The following IQSEC1 variants were observed in gnomAD, a reference collection of about 807,000 sequenced individuals.
IQSEC1 encodes IQ motif and SEC7 domain-containing protein 1.
Under a neutral mutation model 91.0 loss-of-function variants are expected in IQSEC1, and 31 were observed. The ratio of observed to expected loss-of-function variants is 0.34; its 90% confidence interval spans 0.26 to 0.46. The LOEUF (loss-of-function observed/expected upper bound fraction) is 0.46. IQSEC1 is among the 20% of genes least tolerant of loss of function. IQSEC1 has a pLI of 1.00. For missense variants in IQSEC1, 1,388 were observed against 1,575.6 expected, an observed-to-expected ratio of 0.88 and a Z score of 2.02; for synonymous variants, 699 against 662.6, an observed-to-expected ratio of 1.05 and a Z score of -0.84.
At chr3:13,220,859 TGG>T (rs1694645890) in intron 1 of IQSEC1, among the ~76,000 whole-genome samples, 1 of 152,178 alleles carries the variant, frequency 6.6e-6, no homozygotes, top group Non-Finnish European at 1.5e-5. Context: ...TAGATCTGCG[TGG>T]ATGGGTTTTG....
intron 2 of IQSEC1, among the ~76,000 whole-genome samples, chr3:13,095,894 C>A (rs1292068064): frequency 6.6e-6 from 1 of 152,220 alleles, no homozygotes; most frequent in African/African-American, 2.4e-5. Flanking sequence ...GCGAGATTCA[C>A]GTGAGACCTC....
At chr3:13,051,440 C>A (rs1286854492) in intron 1 of IQSEC1, among the ~76,000 whole-genome samples, 6 of 152,132 alleles carry the variant, frequency 3.9e-5, no homozygotes, top group Admixed American at 6.5e-5. Flanking sequence ...AGGAGAGCAG[C>A]CCCAGGGAAT....
chr3:12,939,325 T>C (rs377224312), intron 2 of IQSEC1, among the ~76,000 whole-genome samples: 6 of 152,268 alleles, frequency 3.9e-5, no homozygotes, highest in South Asian at 2.1e-4. Context: ...AGAATGCCCT[T>C]CAGCAAAGCA....
In IQSEC1 at chr3:12,898,538, G is replaced by A. The variant is rs1693875735; in HGVS notation, c.*2445C>T. The A allele has an allele frequency of 6.6e-6, 1 of 152,186 alleles. No homozygotes were observed. Among genetic ancestry groups the A allele is most frequent in the South Asian group, 2.1e-4 (1 of 4,814 alleles). The allele number at this position is 152,186 out of a possible 1,614,324, so 9.4% of individuals were successfully genotyped here. ...AGCTTGCAGGATGGCGATGGAGAGG[G>A]AGAGTTTCCTGAAAGCCCCTCCTGG... On this transcript the variant is annotated 3_prime_UTR_variant, in exon 14 of 14. Coordinates refer to ENST00000613206, the MANE Select transcript of IQSEC1 (RefSeq NM_001134382.3).
At chr3:13,247,904 C>A (rs1489017772) in intron 1 of IQSEC1, among the ~76,000 whole-genome samples, 2 of 152,186 alleles carry the variant, frequency 1.3e-5, no homozygotes, top group African/African-American at 2.4e-5. Context: ...ACTTACTGGG[C>A]CTGTCTTCCT....
intron 1 of IQSEC1, among the ~76,000 whole-genome samples, chr3:13,009,469 C>T (rs1223573189): frequency 6.6e-6 from 1 of 151,930 alleles, no homozygotes; most frequent in East Asian, 1.9e-4. Flanking sequence ...CGCTCTCCGC[C>T]CTGGCCCTGA....
At chr3:12,993,775 GCCCC>G (rs1399781549) in intron 1 of IQSEC1, among the ~76,000 whole-genome samples, 7 of 152,216 alleles carry the variant, frequency 4.6e-5, no homozygotes, top group African/African-American at 1.7e-4. Flanking sequence ...GCGCGCCCCG[GCCCC>G]CATTCCCGTG....
At chr3:13,111,523 T>C (rs1706243968) in intron 2 of IQSEC1, among the ~76,000 whole-genome samples, 2 of 152,218 alleles carry the variant, frequency 1.3e-5, no homozygotes, top group African/African-American at 4.8e-5. Flanking sequence ...ACCTGACCCC[T>C]GGGCTAAACT....
chr3:13,115,401 G>GC (rs1706318037), intron 2 of IQSEC1, among the ~76,000 whole-genome samples: 1 of 152,162 alleles, frequency 6.6e-6, no homozygotes, highest in Admixed American at 6.5e-5. Flanking sequence ...TGGGGTCTGG[G>GC]CCCCCATGAT....
intron 1 of IQSEC1, chr3:13,022,265 G>A (rs893052931): frequency 9.0e-6 from 11 of 1,222,228 alleles, no homozygotes; most frequent in Non-Finnish European, 1.1e-5. Flanking sequence ...GGGAAAAGAG[G>A]AGGCACTGGC....
chr3:12,960,226 C>T (rs1387680873), intron 1 of IQSEC1: 1 of 152,198 alleles, frequency 6.6e-6, no homozygotes, highest in Admixed American at 6.5e-5. Flanking sequence ...CCCATCATCT[C>T]GGGTGGACAG....
At chr3:12,990,734 G>C (rs966747293) in intron 1 of IQSEC1, among the ~76,000 whole-genome samples, 1 of 152,194 alleles carries the variant, frequency 6.6e-6, no homozygotes, top group African/African-American at 2.4e-5. Flanking sequence ...AACGCTGAAA[G>C]GACAATCAAT....
intron 1 of IQSEC1, among the ~76,000 whole-genome samples, chr3:12,996,536 A>G (rs577632708): frequency 1.6e-4 from 25 of 152,348 alleles, no homozygotes; most frequent in Non-Finnish European, 3.4e-4. Context: ...GAAGATGTCG[A>G]ACACTTAACT....
At chr3:12,972,240 A>G (rs759185106) in intron 1 of IQSEC1, among the ~76,000 whole-genome samples, 2 of 151,996 alleles carry the variant, frequency 1.3e-5, no homozygotes, top group African/African-American at 2.4e-5. Flanking sequence ...GAGTGTAGGA[A>G]GGTCAAGGCT....
At chr3:12,937,341 C>T (rs571022797) in intron 2 of IQSEC1, among the ~76,000 whole-genome samples, 18 of 152,212 alleles carry the variant, frequency 1.2e-4, no homozygotes, top group Non-Finnish European at 2.4e-4. Flanking sequence ...TCTAACGAAA[C>T]CCATTTGGAG....
intron 1 of IQSEC1, among the ~76,000 whole-genome samples, chr3:12,964,299 T>TAC (rs3072719): frequency 0.011 from 1,634 of 149,906 alleles, 10 homozygotes; most frequent in South Asian, 0.024. Context: ...ATACTCCCCC[T>TAC]ACACACACAC....
intron 1 of IQSEC1, among the ~76,000 whole-genome samples, chr3:12,958,029 CAAAG>C (rs1196637975): frequency 6.6e-6 from 1 of 152,208 alleles, no homozygotes; most frequent in Non-Finnish European, 1.5e-5. Context: ...GCGTGACTCA[CAAAG>C]AAAGTGAGGA....
chr3:13,221,279 T>C (rs1694654550), intron 1 of IQSEC1, among the ~76,000 whole-genome samples: 1 of 152,126 alleles, frequency 6.6e-6, no homozygotes. Context: ...CCGCCTGCTC[T>C]GGGGGCAGCT....
chr3:13,021,645 G>A (rs1173165791), intron 1 of IQSEC1, among the ~76,000 whole-genome samples: 1 of 152,208 alleles, frequency 6.6e-6, no homozygotes, highest in East Asian at 1.9e-4. Flanking sequence ...ACGGTCACAC[G>A]AAGGAATCAC....
Sources: gnomAD v4.1 joint callset for allele counts (sites outside exome capture counted in the v4.1 genomes callset) on GRCh38, gnomAD v4.1.1 for gene constraint, MANE v1.5 for transcripts, NCBI Gene and HGNC (gene_info 2026-07-23, HGNC 2026-07-21) for gene names.